The following IQCB1 variants were observed in gnomAD, a reference collection of about 807,000 sequenced individuals.
The protein encoded by IQCB1 is IQ motif containing B1.
A neutral mutation model predicts 84.4 loss-of-function variants in IQCB1; 56 were observed. That is an observed-to-expected ratio of 0.66 (90% confidence interval 0.54 to 0.83). IQCB1 has a LOEUF of 0.83. Ranked by LOEUF, IQCB1 falls within the 40% of genes least tolerant of loss-of-function variation. The pLI is 0.00. For missense variants in IQCB1, 629 were observed against 682.1 expected (o/e 0.92, Z 0.87); for synonymous variants, 210 against 234.8 (o/e 0.89, Z 0.96).
Position 121,781,973 on chromosome 3 carries a change from A to G in IQCB1, c.1279-99T>C, listed in dbSNP as rs185604327. 8 of 1,201,004 alleles carry G rather than the reference A, an allele frequency of 6.7e-6. No individual in the cohort carries two copies. In the African/African-American group the frequency reaches 9.0e-5, roughly 13 times the overall value. 74.4% of individuals were successfully genotyped at this position (1,201,004 alleles called of 1,614,324 possible). ...TGGTAGTGATCACATTGCAATAATG[A>G]TTAACTCTGAGTGTGTATAAGGAGG... On this transcript the variant is annotated intron_variant, in intron 12 of 14. Transcript: ENST00000310864.
At chr3:121,786,533 T>C (rs1948745400) in intron 12 of IQCB1, among the ~76,000 whole-genome samples, 1 of 151,866 alleles carries the variant, frequency 6.6e-6, no homozygotes, top group Non-Finnish European at 1.5e-5. Context: ...TATTTCCTTT[T>C]CCATTTTGGC....
rs766691432 is a variant in IQCB1 at position 121,834,991 on chromosome 3, C to CT, written c.-128dup. On this transcript the variant is annotated 5_prime_UTR_variant, in exon 1 of 15. Coordinates refer to ENST00000310864, the MANE Select transcript of IQCB1 (RefSeq NM_001023570.4). The stretch of plus-strand genomic sequence containing the variant: ...CTCATCCTCGCTTCGCGTTCTTCCA[C>CT]TAAAGAACCTGGGGCTCCCACGCCG... The CT allele has an allele frequency of 4.4e-6, 2 of 455,152 alleles. No homozygotes were observed. The highest frequency in any genetic ancestry group is 7.7e-6 in the Non-Finnish European group (2 of 260,174). The allele number at this position is 455,152 out of a possible 1,614,324, so 28.2% of individuals were successfully genotyped here.
intron 5 of IQCB1, among the ~76,000 whole-genome samples, chr3:121,823,076 GAAC>G (rs1367953625): frequency 6.6e-6 from 1 of 152,030 alleles, no homozygotes. Flanking sequence ...AAAAATCATA[GAAC>G]AATACAATAT....
chr3:121,774,201 G>A (rs753918346), intron 13 of IQCB1, among the ~76,000 whole-genome samples: 17 of 152,104 alleles, frequency 1.1e-4, no homozygotes, highest in Non-Finnish European at 2.5e-4. Context: ...TCACTAATTA[G>A]GAAAGTGCAA....
At chr3:121,828,709 T>C (rs1950536389) in intron 3 of IQCB1, 77 bp from the exon 4 acceptor site, 1 of 1,115,268 alleles carries the variant, frequency 9.0e-7, no homozygotes, top group Non-Finnish European at 1.3e-6. Flanking sequence ...ATATGTTGAA[T>C]AATCACTAAA....
At chr3:121,832,682 C>T (rs924342918) in intron 2 of IQCB1, among the ~76,000 whole-genome samples, 1 of 152,168 alleles carries the variant, frequency 6.6e-6, no homozygotes, top group Non-Finnish European at 1.5e-5. Context: ...TGGCATCTGT[C>T]TTTTGTGTCC....
chr3:121,807,781 A>G (rs1949664164), intron 6 of IQCB1, among the ~76,000 whole-genome samples: 1 of 152,018 alleles, frequency 6.6e-6, no homozygotes, highest in South Asian at 2.1e-4. Flanking sequence ...AATTTCCTGC[A>G]AAGACAGAAT....
intron 12 of IQCB1, among the ~76,000 whole-genome samples, chr3:121,785,820 G>A (rs775974363): frequency 2.0e-5 from 3 of 152,026 alleles, no homozygotes; most frequent in Non-Finnish European, 4.4e-5. Flanking sequence ...AGCCAGCTAC[G>A]TATGCTTAAC....
At chr3:121,797,474 G>A (rs1576572704) in intron 8 of IQCB1, among the ~76,000 whole-genome samples, 1 of 129,136 alleles carries the variant, frequency 7.7e-6, no homozygotes, top group African/African-American at 3.0e-5. Context: ...AATCTGTCTA[G>A]ACAATCTCTT....
At chr3:121,822,392 T>G (rs9822949) in intron 5 of IQCB1, among the ~76,000 whole-genome samples, 37,502 of 152,078 alleles carry the variant, frequency 0.25, 4,967 homozygotes, top group Non-Finnish European at 0.28. Flanking sequence ...AGTTGCAGTA[T>G]AACTTGGCTG....
Position 121,799,205 on chromosome 3 carries a change from A to G in IQCB1, c.757T>C (p.Cys253Arg). Residue 253 changes from cysteine (C) to arginine (R), a missense_variant, in exon 8 of 15, where the codon TGC (cysteine) becomes CGC (arginine). Cys to Arg is a radical substitution (Grantham distance 180). Transcript: ENST00000310864. ...AGAATGAATGTACTACCTTTGTAGC[A>G]GGTACTTTGTCTCAGTAAAATCAAA... ...EILILLRQST[C>R]YKGLRRLLSK... is the part of the protein sequence containing the mutation. 6.2e-7 allele frequency: 1 copy of G among 1,607,080 alleles called. No homozygotes were observed. Among genetic ancestry groups the G allele is most frequent in the Non-Finnish European group, 8.5e-7 (1 of 1,175,512 alleles).
At position 121,797,178 on chromosome 3, in the gene IQCB1, T is replaced by C; in HGVS notation, c.816A>G (p.Gln272=). The C allele has an allele frequency of 6.2e-7, 1 of 1,611,218 alleles. No individual in the cohort carries two copies. The highest frequency in any genetic ancestry group is 8.5e-7 in the Non-Finnish European group (1 of 1,178,200). ...AAAGGCCAACAAGCTGTCTAAGTTC[T>C]TGACTGAATTCAGTCCCAGTTTCCT... ...SKQETGTEFS[Q]ELRQLVGLLS... is the part of the protein sequence containing the mutation. The change falls in exon 9 of 15, where the codon CAA becomes CAG. Residue 272 remains glutamine, a synonymous_variant. Transcript: ENST00000310864.
intron 5 of IQCB1, among the ~76,000 whole-genome samples, chr3:121,815,848 G>C (rs1315255493): frequency 2.1e-5 from 3 of 142,182 alleles, no homozygotes; most frequent in African/African-American, 7.8e-5. Context: ...GTAATTTATA[G>C]ATTCAATGCT....
intron 5 of IQCB1, among the ~76,000 whole-genome samples, chr3:121,825,221 C>T (rs948583517): frequency 2.6e-5 from 4 of 152,118 alleles, no homozygotes; most frequent in African/African-American, 7.2e-5. Flanking sequence ...CCACCATGCC[C>T]GGCTAATTTT....
chr3:121,786,169 TCAAAAGAAAA>T, intron 12 of IQCB1, among the ~76,000 whole-genome samples: 1 of 22,956 alleles, frequency 4.4e-5, no homozygotes, highest in South Asian at 1.5e-3. Context: ...AGATTCTGTC[TCAAAAGAAAA>T]GAAAAGAAAA....
At chr3:121,825,731 C>G (rs2108636568) in intron 5 of IQCB1, among the ~76,000 whole-genome samples, 1 of 152,134 alleles carries the variant, frequency 6.6e-6, no homozygotes, top group South Asian at 2.1e-4. Context: ...AAGCCCTAGC[C>G]CTAGAGAACA....
chr3:121,791,068 T>G (rs1018551840), intron 10 of IQCB1, among the ~76,000 whole-genome samples: 1 of 152,168 alleles, frequency 6.6e-6, no homozygotes, highest in Non-Finnish European at 1.5e-5. Context: ...CAGTTTACAG[T>G]AAATATACTC....
At chr3:121,772,504 A>G in intron 14 of IQCB1, 53 bp downstream of exon 14, 1 of 1,597,080 alleles carries the variant, frequency 6.3e-7, no homozygotes, top group Non-Finnish European at 8.6e-7. Context: ...TGGATGTCAC[A>G]AACCTCGCAT....
intron 5 of IQCB1, among the ~76,000 whole-genome samples, chr3:121,815,956 T>G (rs200208657): frequency 7.0e-6 from 1 of 142,430 alleles, no homozygotes; most frequent in Non-Finnish European, 1.5e-5. Context: ...AAAGAGCCCG[T>G]ATAGCCAAGA....
Sources: allele counts gnomAD v4.1 joint callset (sites outside exome capture counted in the v4.1 genomes callset), GRCh38; gene constraint gnomAD v4.1.1; transcripts MANE v1.5; gene names NCBI Gene and HGNC (gene_info 2026-07-23, HGNC 2026-07-21).